The following MXRA8 variants were observed in gnomAD, a reference collection of about 807,000 sequenced individuals.
MXRA8 encodes the protein matrix remodeling-associated protein 8.
Under a neutral mutation model 51.4 loss-of-function variants are expected in MXRA8, and 44 were observed. That is an observed-to-expected ratio of 0.86 (90% CI 0.67 to 1.10). MXRA8 has a LOEUF of 1.10. Ranked by LOEUF, MXRA8 falls within the 50% of genes least tolerant of loss-of-function variation. The pLI, the probability that MXRA8 is intolerant of heterozygous loss-of-function variation, is 0.00. For missense variants in MXRA8, 765 were observed against 638.9 expected, an observed-to-expected ratio of 1.20 and a Z score of -2.13; for synonymous variants, 369 against 293.5, an observed-to-expected ratio of 1.26 and a Z score of -2.63.
chr1:1,353,905 C>G lies in MXRA8; in HGVS notation c.1246G>C (p.Glu416Gln). ...QLDYKNNILK[E>Q]RAELAHSPLP... ...GGGCTGTGGGCCAGCTCCGCCCTCTCCTTCAGGATGTTGTTTTTGTAATCT... is the reference window on the plus strand; with the variant it reads ...GGGCTGTGGGCCAGCTCCGCCCTCTGCTTCAGGATGTTGTTTTTGTAATCT... Residue 416 changes from glutamate to glutamine, a missense_variant, in exon 9 of 10, where the codon GAG becomes CAG. Glu to Gln is a conservative substitution (Grantham distance 29, BLOSUM62 2). Coordinates refer to ENST00000309212, the MANE Select transcript of MXRA8 (RefSeq NM_032348.4). The G allele has an allele frequency of 2.5e-6, 4 of 1,609,834 alleles. No homozygotes were observed. The highest frequency in any genetic ancestry group is 3.4e-6 in the Non-Finnish European group (4 of 1,178,342).
chr1:1,352,957 A>C lies in MXRA8; in HGVS notation c.*647T>G, dbSNP rs1644032535. ...AGGCTAGGGTAGGGATGGGGCAGAG[A>C]AAGGGCAAGGGGTGCAGCCCCAGGT... On this transcript the variant is annotated 3_prime_UTR_variant, in exon 10 of 10. Coordinates refer to ENST00000309212, the MANE Select transcript of MXRA8 (RefSeq NM_032348.4). 2 of 435,138 alleles carry C rather than the reference A, an allele frequency of 4.6e-6. No homozygotes were observed. Among genetic ancestry groups the C allele is most frequent in the Admixed American group, 4.2e-5 (1 of 23,846 alleles). The allele number at this position is 435,138 out of a possible 1,614,324, so 27.0% of individuals were successfully genotyped here. A position where few individuals can be genotyped will look rare whatever the true frequency, so the allele number is the denominator to read the frequency against.
upstream of MXRA8, chr1:1,358,581 C>A: frequency 1.3e-6 from 2 of 1,543,568 alleles, no homozygotes; most frequent in South Asian, 1.2e-5. Flanking sequence ...CCCCCTCCCC[C>A]TCCTTAGCAC....
At position 1,354,835 on chromosome 1, in the gene MXRA8, C is replaced by A; in HGVS notation, c.796G>T (p.Asp266Tyr). ...AGGTGGCAGGAGTAGGTGCCCTCGT[C>A]GGCGACCTCCAGCGGCTCGATACGC... The part of the protein sequence containing the change: ...SLRIEPLEVA[D>Y]EGTYSCHLHH... The change falls in exon 5 of 10, where the codon GAC becomes TAC. Residue 266 changes from aspartate to tyrosine, a missense_variant. Asp to Tyr is a radical substitution (Grantham distance 160). Transcript: ENST00000309212. 1 of 1,612,206 alleles carries A rather than the reference C, an allele frequency of 6.2e-7. No homozygotes were observed. Among genetic ancestry groups the A allele is most frequent in the Non-Finnish European group, 8.5e-7 (1 of 1,179,698 alleles).
rs546939259 is a variant in MXRA8 at position 1,357,464 on chromosome 1, A to G, written c.50-760T>C. Among the ~76,000 whole-genome samples, 828 of 151,786 alleles carry G rather than the reference A, an allele frequency of 5.5e-3. 5 individuals carry two copies. Among genetic ancestry groups the G allele is most frequent in the African/African-American group, 0.019 (786 of 41,306 alleles). ...CAGCTGCACCACGGAGTCCCCCCAC[A>G]GTCAGCGTGGCCCCACGGGGCTCGT... On this transcript the variant is annotated intron_variant, in intron 1 of 9. Coordinates refer to ENST00000309212, the MANE Select transcript of MXRA8 (RefSeq NM_032348.4).
In MXRA8 at chr1:1,353,934, G is replaced by A. The variant is rs1433667964; in HGVS notation, c.1223-6C>T. 1.2e-6 allele frequency: 2 copies of A among 1,608,954 alleles called. No homozygotes were observed. The highest frequency in any genetic ancestry group is 1.1e-5 in the South Asian group (1 of 90,434). On this transcript the variant is annotated splice_region_variant and splice_polypyrimidine_tract_variant and intron_variant, in intron 8 of 9. Transcript: ENST00000309212. The stretch of plus-strand genomic sequence containing the variant: ...CAGGATGTTGTTTTTGTAATCTGTG[G>A]GAGGAGAGGAGGCTGAGGTCCCCGC...
Position 1,355,480 on chromosome 1 carries a change from C to A in MXRA8, c.346G>T (p.Asp116Tyr). ...ATGAGCAGCGAGAAGTTGCCGTCGT[C>A]GAAGGCCGAGGCCGAGAGCTCCAGG... ...GRLELSASAFDDGNFSLLIRA... is the reference protein window; with the variant it reads ...GRLELSASAFYDGNFSLLIRA... Residue 116 changes from aspartate to tyrosine, a missense_variant, in exon 3 of 10, where the codon GAC (aspartate) becomes TAC (tyrosine). Transcript: ENST00000309212. 1 of 1,509,602 alleles carries A rather than the reference C, an allele frequency of 6.6e-7. No homozygotes were observed. The highest frequency in any genetic ancestry group is 8.8e-7 in the Non-Finnish European group (1 of 1,140,250). The allele number at this position is 1,509,602 out of a possible 1,614,324, so 93.5% of individuals were successfully genotyped here.
chr1:1,354,478 G>A lies in MXRA8; in HGVS notation c.981C>T (p.Ile327=), dbSNP rs374240120. ...DPTLARGHNV[I]NVIVPESRAH... is the part of the protein sequence containing the mutation. ...CTCGGCTCTCGGGGACGATGACATTGATGACGTTGTGGCCGCGCGCCAGTG... is the reference window on the plus strand; with the variant it reads ...CTCGGCTCTCGGGGACGATGACATTAATGACGTTGTGGCCGCGCGCCAGTG... The change falls in exon 6 of 10, where the codon ATC becomes ATT. Residue 327 remains isoleucine (I), a synonymous_variant. Transcript: ENST00000309212. The A allele has an allele frequency of 1.9e-6, 3 of 1,612,378 alleles. No individual in the cohort carries two copies. Among genetic ancestry groups the A allele is most frequent in the Non-Finnish European group, 2.5e-6 (3 of 1,179,804 alleles).
Position 1,355,091 on chromosome 1 carries a change from TGCGCCGC to T in MXRA8, c.533_539del (p.Arg178HisfsTer5). The stretch of plus-strand genomic sequence containing the variant: ...GGTTCACGCAGGTCAGAAGCGCGGG[TGCGCCGC>T]GCGCCACCGCCAGCACCTCCTTCTC... On this transcript the variant is annotated frameshift_variant, in exon 5 of 10. Coordinates refer to ENST00000309212, the MANE Select transcript of MXRA8 (RefSeq NM_032348.4). LOFTEE classifies it high-confidence loss of function. 6.5e-7 allele frequency: 1 copy of T among 1,546,900 alleles called. No individual in the cohort carries two copies. The highest frequency in any genetic ancestry group is 2.5e-5 in the East Asian group (1 of 39,856).
rs775905507 is a variant in MXRA8 at position 1,355,585 on chromosome 1, C to G, written c.241G>C (p.Gly81Arg). The G allele has an allele frequency of 8.8e-6, 13 of 1,477,954 alleles. No individual in the cohort carries two copies. Among genetic ancestry groups the G allele is most frequent in the Non-Finnish European group, 1.2e-5 (13 of 1,121,848 alleles). The allele number at this position is 1,477,954 out of a possible 1,614,324, so 91.6% of individuals were successfully genotyped here. A position where few individuals can be genotyped will look rare whatever the true frequency, so the allele number is the denominator to read the frequency against. Residue 81 changes from glycine to arginine, a missense_variant, in exon 3 of 10, where the codon GGG becomes CGG. Transcript: ENST00000309212. ...RVLHWDLRGPGGGPARRLLDL... is the reference protein window; with the variant it reads ...RVLHWDLRGPRGGPARRLLDL... ...AGCAGGCGCCGCGCGGGGCCACCCC[C>G]GGGGCCGCGCAGGTCCCAGTGGAGC...
chr1:1,358,292 G>A (rs1325465275), intron 1 of MXRA8, among the ~76,000 whole-genome samples, 164 bp downstream of exon 1: 1 of 152,226 alleles, frequency 6.6e-6, no homozygotes, highest in Admixed American at 6.5e-5. Context: ...AGACGTCACA[G>A]CCTCTGGCAA....
upstream of MXRA8, among the ~76,000 whole-genome samples, chr1:1,362,910 C>G (rs1480861628): frequency 7.6e-6 from 1 of 131,006 alleles, no homozygotes; most frequent in Non-Finnish European, 1.6e-5. Flanking sequence ...GGTGAAACCC[C>G]GTCTCTACTA....
In MXRA8 at chr1:1,353,834, C is replaced by A; in HGVS notation, c.1303+14G>T. ...AGGGCTCTGAGATGGGCTGAGGTCG[C>A]CCCCGCCGCTCACCTTTGTCTAGGT... On this transcript the variant is annotated intron_variant, in intron 9 of 9. Transcript: ENST00000309212. 6.4e-7 allele frequency: 1 copy of A among 1,564,302 alleles called. No homozygotes were observed. The highest frequency in any genetic ancestry group is 8.7e-7 in the Non-Finnish European group (1 of 1,153,860).
rs1205084881 is a variant in MXRA8 at position 1,353,145 on chromosome 1, C to T, written c.*459G>A. On this transcript the variant is annotated 3_prime_UTR_variant, in exon 10 of 10. Transcript: ENST00000309212. ...GGACTCCTGCCGAGGCTGACCCCAACTTCAAGGCTGCCAAGTTCTGATGGG... is the reference window on the plus strand; with the variant it reads ...GGACTCCTGCCGAGGCTGACCCCAATTTCAAGGCTGCCAAGTTCTGATGGG... 28 of 882,824 alleles carry T rather than the reference C, an allele frequency of 3.2e-5. No individual in the cohort carries two copies. The highest frequency in any genetic ancestry group is 4.9e-5 in the Non-Finnish European group (27 of 550,992). The allele number at this position is 882,824 out of a possible 1,614,324, so 54.7% of individuals were successfully genotyped here. A position where few individuals can be genotyped will look rare whatever the true frequency, so the allele number is the denominator to read the frequency against.
rs1644086459 is a variant in MXRA8, at chr1:1,354,814, G to A, written c.817C>T (p.His273Tyr). The change falls in exon 5 of 10, where the codon CAC becomes TAC. Residue 273 changes from histidine (H) to tyrosine (Y), a missense_variant. By Grantham distance (83) the His-to-Tyr change is moderately conservative. Transcript: ENST00000309212. ...EVADEGTYSC[H>Y]LHHHYCGLHE... ...AGGCCACAGTAATGGTGGTGCAGGT[G>A]GCAGGAGTAGGTGCCCTCGTCGGCG... 1 of 1,612,226 alleles carries A rather than the reference G, an allele frequency of 6.2e-7. No homozygotes were observed.
At chr1:1,356,080 C>T (rs1278381114) in intron 2 of MXRA8, among the ~76,000 whole-genome samples, 1 of 55,444 alleles carries the variant, frequency 1.8e-5, no homozygotes, top group African/African-American at 7.6e-5. Flanking sequence ...AGGACTCTGG[C>T]GGGGTTGGGG....
chr1:1,354,655 C>G, intron 5 of MXRA8, 27 bp downstream of exon 5: 1 of 1,544,070 alleles, frequency 6.5e-7, no homozygotes, highest in Non-Finnish European at 8.7e-7. Context: ...CTCCCGCCTT[C>G]CCGGGTCCCA....
At chr1:1,354,136 G>A in intron 7 of MXRA8, 30 bp from the exon 8 acceptor site, 2 of 1,612,840 alleles carry the variant, frequency 1.2e-6, no homozygotes, top group South Asian at 1.1e-5. Flanking sequence ...GGAGGTTACA[G>A]CTGGGTGGGG....
rs1644111986 is a variant in MXRA8, at chr1:1,355,709, C to T, written c.117G>A (p.Glu39=). Reference sequence around the variant, plus strand: ...CGCCCGCCTCCCAGCTCACCGCGGACTCGGACACCACGGAGCTGCCAGCAG... The same window carrying T: ...CGCCCGCCTCCCAGCTCACCGCGGATTCGGACACCACGGAGCTGCCAGCAG... ...PAAAGSSVVS[E]SAVSWEAGAR... is the part of the protein sequence containing the mutation. Residue 39 remains glutamate (E), a synonymous_variant, in exon 3 of 10, where the codon GAG becomes GAA. Coordinates refer to ENST00000309212, the MANE Select transcript of MXRA8 (RefSeq NM_032348.4). The T allele has an allele frequency of 1.5e-6, 2 of 1,331,968 alleles. No homozygotes were observed. The highest frequency in any genetic ancestry group is 1.5e-5 in the African/African-American group (1 of 64,902). 82.5% of individuals were successfully genotyped at this position (1,331,968 alleles called of 1,614,324 possible). A position where few individuals can be genotyped will look rare whatever the true frequency, so the allele number is the denominator to read the frequency against.
intron 1 of MXRA8, among the ~76,000 whole-genome samples, chr1:1,357,829 A>G (rs1362672207): frequency 6.6e-6 from 1 of 152,160 alleles, no homozygotes; most frequent in African/African-American, 2.4e-5. Flanking sequence ...CCCTGAGGGA[A>G]ACCTGTATGC....
Sources: gnomAD v4.1 joint callset for allele counts (sites outside exome capture counted in the v4.1 genomes callset) on GRCh38, gnomAD v4.1.1 for gene constraint, MANE v1.5 for transcripts, NCBI Gene and HGNC (gene_info 2026-07-23, HGNC 2026-07-21) for gene names.